Variants in AP3M1 observed in about 807,000 individuals in gnomAD.
AP3M1 encodes AP-3 complex subunit mu-1.
Under a neutral mutation model 42.6 loss-of-function variants are expected in AP3M1, and 29 were observed. The ratio of observed to expected loss-of-function variants is 0.68; its 90% CI spans 0.51 to 0.93. The LOEUF (loss-of-function observed/expected upper bound fraction) is 0.93. AP3M1 is among the 40% of genes least tolerant of loss of function. The probability of loss-of-function intolerance (pLI) is 0.00; values close to 1 mark genes in which losing one functional copy is unlikely to be tolerated. For missense variants in AP3M1, 416 were observed against 510.2 expected (o/e 0.82, Z 1.78); for synonymous variants, 178 against 175.3 (o/e 1.02, Z -0.12).
Position 74,123,884 on chromosome 10 carries a change from A to G in AP3M1, c.1183T>C (p.Tyr395His), listed in dbSNP as rs1840540346. The change falls in exon 9 of 9, where the codon TAT (tyrosine) becomes CAT (histidine). Residue 395 changes from tyrosine to histidine, a missense_variant. Coordinates refer to ENST00000355264, the MANE Select transcript of AP3M1 (RefSeq NM_012095.6). ...SGLKVNRLDM[Y>H]GEKYKPFKGV... The stretch of plus-strand genomic sequence containing the variant: ...TTAAATGGCTTATATTTCTCCCCAT[A>G]CATGTCCAAACGGTTTACTTTTAAG... 6.2e-7 allele frequency: 1 copy of G among 1,613,928 alleles called. No homozygotes were observed. Among genetic ancestry groups the G allele is most frequent in the Non-Finnish European group, 8.5e-7 (1 of 1,179,902 alleles).
rs1840533010 is a variant in AP3M1 at position 74,123,638 on chromosome 10, T to C, written c.*172A>G. The C allele has an allele frequency of 5.0e-6, 3 of 604,822 alleles. No homozygotes were observed. The highest frequency in any genetic ancestry group is 1.9e-5 in the African/African-American group (1 of 53,576). The allele number at this position is 604,822 out of a possible 1,614,324, so 37.5% of individuals were successfully genotyped here. A position where few individuals can be genotyped will look rare whatever the true frequency, so the allele number is the denominator to read the frequency against. ...TAAGTCACTAAAAGGTTTCCTTAGC[T>C]TAAAGCTCCTTAAGAATCCTACATT... On this transcript the variant is annotated 3_prime_UTR_variant, in exon 9 of 9. Coordinates refer to ENST00000355264, the MANE Select transcript of AP3M1 (RefSeq NM_012095.6).
chr10:74,128,100 T>TAAAAA (rs754897677), intron 6 of AP3M1, among the ~76,000 whole-genome samples: 1 of 68,412 alleles, frequency 1.5e-5, no homozygotes, highest in African/African-American at 6.4e-5. Flanking sequence ...AACTCCGGCT[T>TAAAAA]AAAAAAAAAA....
intron 8 of AP3M1, 55 bp from the exon 9 acceptor site, chr10:74,123,965 G>C (rs1347487056): frequency 6.9e-7 from 1 of 1,452,980 alleles, no homozygotes; most frequent in Non-Finnish European, 9.7e-7. Flanking sequence ...CCAATATAAT[G>C]TTAGCAATGA....
chr10:74,128,182 C>T (rs1447945500), intron 6 of AP3M1, among the ~76,000 whole-genome samples: 2 of 147,334 alleles, frequency 1.4e-5, no homozygotes, highest in African/African-American at 5.0e-5. Context: ...CATGATGTTA[C>T]TCAAATAACT....
chr10:74,132,502 G>GCAA (rs1840809659), intron 4 of AP3M1, among the ~76,000 whole-genome samples: 1 of 151,512 alleles, frequency 6.6e-6, no homozygotes. Flanking sequence ...ACCAGCCTGG[G>GCAA]CAACATGGTG....
At chr10:74,135,429 T>G (rs1420179837) in intron 3 of AP3M1, among the ~76,000 whole-genome samples, 1 of 152,192 alleles carries the variant, frequency 6.6e-6, no homozygotes, top group Non-Finnish European at 1.5e-5. Context: ...CTCTTGAACT[T>G]TGTAATACAC....
At chr10:74,138,449 T>A (rs919276297) in intron 1 of AP3M1, 67 bp from the exon 2 acceptor site, 6 of 1,424,872 alleles carry the variant, frequency 4.2e-6, no homozygotes, top group African/African-American at 1.4e-5. Context: ...ACAAAAAGAT[T>A]ATACACCTTG....
chr10:74,124,271 G>T, intron 8 of AP3M1, 109 bp downstream of exon 8: 1 of 1,353,276 alleles, frequency 7.4e-7, no homozygotes, highest in South Asian at 1.5e-5. Context: ...AAAGGCAAAT[G>T]GGCTACTGCT....
intron 4 of AP3M1, among the ~76,000 whole-genome samples, chr10:74,133,083 T>C (rs966877234): frequency 6.6e-6 from 1 of 152,038 alleles, no homozygotes; most frequent in Non-Finnish European, 1.5e-5. Context: ...TGAAACCCCG[T>C]CTCTACTAAA....
intron 7 of AP3M1, among the ~76,000 whole-genome samples, chr10:74,125,224 C>A (rs1201555474): frequency 6.6e-6 from 1 of 152,200 alleles, no homozygotes; most frequent in African/African-American, 2.4e-5. Flanking sequence ...GGTGATCCAC[C>A]CACCTCGGCC....
Position 74,126,389 on chromosome 10 carries a change from C to T in AP3M1, c.804-34G>A, listed in dbSNP as rs776244054. The T allele has an allele frequency of 8.3e-6, 13 of 1,569,748 alleles. No homozygotes were observed. The South Asian group carries it at 1.3e-4, about 16-fold the overall frequency. ...AGAAACAGAGAAAGATACAAAAGCA[C>T]AAACACAATTAATGGTGTGGGGAGA... On this transcript the variant is annotated intron_variant, in intron 6 of 8. Coordinates refer to ENST00000355264, the MANE Select transcript of AP3M1 (RefSeq NM_012095.6).
intron 2 of AP3M1, 109 bp downstream of exon 2, chr10:74,137,998 G>A (rs1467466297): frequency 2.6e-6 from 3 of 1,162,960 alleles, no homozygotes; most frequent in Non-Finnish European, 3.6e-6. Context: ...CTTAAACAGA[G>A]AGAGACAGAC....
At chr10:74,149,020 G>T (rs565163820) in intron 1 of AP3M1, among the ~76,000 whole-genome samples, 1 of 151,626 alleles carries the variant, frequency 6.6e-6, no homozygotes, top group East Asian at 1.9e-4. Context: ...CTACAGGCAC[G>T]TGCCACCACG....
intron 3 of AP3M1, among the ~76,000 whole-genome samples, chr10:74,135,592 G>A (rs1591753217): frequency 6.6e-6 from 1 of 151,978 alleles, no homozygotes; most frequent in South Asian, 2.1e-4. Context: ...ATACTTTTTT[G>A]TCGGAGTGAA....
chr10:74,123,996 C>T, intron 8 of AP3M1, 86 bp from the exon 9 acceptor site: 1 of 1,148,772 alleles, frequency 8.7e-7, no homozygotes. Flanking sequence ...GTAAATCTGA[C>T]ATTAACCAGT....
At chr10:74,140,108 T>G (rs563025115) in intron 1 of AP3M1, among the ~76,000 whole-genome samples, 38 of 152,256 alleles carry the variant, frequency 2.5e-4, no homozygotes, top group African/African-American at 9.1e-4. Flanking sequence ...CAGCTGAGCA[T>G]CCTTCCTGGG....
In AP3M1 at chr10:74,126,301, A is replaced by C. The variant is rs1443195911; in HGVS notation, c.858T>G (p.Ser286Arg). 1.2e-6 allele frequency: 2 copies of C among 1,614,178 alleles called. No homozygotes were observed. The highest frequency in any genetic ancestry group is 3.3e-5 in the Admixed American group (2 of 60,024). Residue 286 changes from serine to arginine, a missense_variant, in exon 7 of 9, where the codon AGT (serine) becomes AGG (arginine). Ser to Arg is a moderately radical substitution (Grantham distance 110). Transcript: ENST00000355264. ...VKHSISFKEN[S>R]SCGRFDITIG... ...TTGTTATATCAAATCTGCCGCAAGA[A>C]CTGTTCTCCTTAAAGCTGATACTAT...
At chr10:74,137,813 G>A (rs1458661791) in intron 2 of AP3M1, among the ~76,000 whole-genome samples, 1 of 152,160 alleles carries the variant, frequency 6.6e-6, no homozygotes, top group Non-Finnish European at 1.5e-5. Context: ...GTTTGTACAT[G>A]TTCAGTTCGA....
intron 8 of AP3M1, 125 bp downstream of exon 8, chr10:74,124,255 A>G: frequency 4.2e-6 from 5 of 1,204,414 alleles, no homozygotes; most frequent in Non-Finnish European, 4.6e-6. Context: ...CACCAAGCAC[A>G]GTATAAAAGG....
Sources: gnomAD v4.1 joint callset for allele counts (sites outside exome capture counted in the v4.1 genomes callset) on GRCh38, gnomAD v4.1.1 for gene constraint, MANE v1.5 for transcripts, NCBI Gene and HGNC (gene_info 2026-07-23, HGNC 2026-07-21) for gene names.